DNAJC6: variants seen among roughly 807,000 people sequenced by gnomAD.
DNAJC6 encodes DnaJ heat shock protein family (Hsp40) member C6.
A neutral mutation model predicts 110.0 loss-of-function variants in DNAJC6; 34 were observed. That is an observed-to-expected ratio of 0.31 (90% confidence interval 0.24 to 0.41). The LOEUF is 0.41. Among genes scored for constraint, DNAJC6 ranks in the 10% least tolerant of loss-of-function variants. The pLI is 1.00. For missense variants in DNAJC6, 1,031 were observed against 1,207.8 expected (o/e 0.85, Z 2.17); for synonymous variants, 406 against 437.2 (o/e 0.93, Z 0.89).
intron 1 of DNAJC6, among the ~76,000 whole-genome samples, chr1:65,321,289 T>G (rs1014702722): frequency 6.6e-6 from 1 of 152,150 alleles, no homozygotes; most frequent in East Asian, 1.9e-4. Flanking sequence ...CTGCCTCGAA[T>G]TCCTGGGCTC....
At chr1:65,353,226 A>T (rs1032751988) in intron 1 of DNAJC6, among the ~76,000 whole-genome samples, 1 of 152,214 alleles carries the variant, frequency 6.6e-6, no homozygotes, top group African/African-American at 2.4e-5. Context: ...TTGAGGTTCC[A>T]TGTGGTGCCC....
chr1:65,389,784 G>A (rs1645908392), intron 11 of DNAJC6, among the ~76,000 whole-genome samples, 157 bp downstream of exon 11: 1 of 152,156 alleles, frequency 6.6e-6, no homozygotes, highest in Non-Finnish European at 1.5e-5. Context: ...ACTTTGGAAG[G>A]CCAGGATAGG....
chr1:65,386,345 G>C (rs1432526138), intron 7 of DNAJC6, among the ~76,000 whole-genome samples: 2 of 152,342 alleles, frequency 1.3e-5, no homozygotes, highest in Admixed American at 1.3e-4. Flanking sequence ...GATGTGGAGA[G>C]AAGGGAGTGG....
rs185861869 is a variant in DNAJC6 at position 65,291,252 on chromosome 1, C to T, written c.-131+26320C>T. On this transcript the variant is annotated intron_variant, in intron 1 of 19. Coordinates refer to the DNAJC6 transcript ENST00000263441. The stretch of plus-strand genomic sequence containing the variant: ...TTCACTATGTTGACCAGGCTGGTCT[C>T]GAACTCCTGAACTCAAGTGATCCAC... Among the ~76,000 whole-genome samples, 158 of 152,208 alleles carry T rather than the reference C, an allele frequency of 1.0e-3. 1 individual carries two copies. The highest frequency in any genetic ancestry group is 2.9e-3 in the South Asian group (14 of 4,820).
intron 1 of DNAJC6, among the ~76,000 whole-genome samples, chr1:65,271,819 A>G (rs1456070507): frequency 6.6e-6 from 1 of 151,676 alleles, no homozygotes; most frequent in African/African-American, 2.4e-5. Context: ...CAGTGAGCCA[A>G]GATCACACCA....
At chr1:65,332,474 CT>C (rs1645297571) in intron 1 of DNAJC6, among the ~76,000 whole-genome samples, 1 of 152,126 alleles carries the variant, frequency 6.6e-6, no homozygotes, top group Non-Finnish European at 1.5e-5. Context: ...ATGTTTGAGT[CT>C]TACATATTTT....
At chr1:65,401,928 TA>T (rs1646033838) in intron 15 of DNAJC6, 48 bp downstream of exon 15, 2 of 1,606,346 alleles carry the variant, frequency 1.2e-6, no homozygotes, top group African/African-American at 2.7e-5. Context: ...TTTATAGCTA[TA>T]AAGCCTCAAA....
intron 1 of DNAJC6, among the ~76,000 whole-genome samples, chr1:65,318,880 A>G (rs1182730969): frequency 1.3e-5 from 2 of 152,178 alleles, no homozygotes; most frequent in East Asian, 3.9e-4. Flanking sequence ...GAAAAAAAGG[A>G]AAAGAAAACA....
At chr1:65,364,579 C>T (rs539720487) in intron 1 of DNAJC6, 56 bp from the exon 2 acceptor site, 97 of 1,555,572 alleles carry the variant, frequency 6.2e-5, no homozygotes, top group African/African-American at 3.6e-4. Flanking sequence ...ATTGGTTTTC[C>T]GTGGATTCTC....
exon 1 of DNAJC6, chr1:65,264,785 C>T (rs1653259208): frequency 2.6e-6 from 4 of 1,512,702 alleles, no homozygotes; most frequent in Non-Finnish European, 2.7e-6. Flanking sequence ...TTATCATAGC[C>T]CGAGTGCTCC....
chr1:65,365,295 A>G (rs543244511), intron 2 of DNAJC6, among the ~76,000 whole-genome samples: 1 of 152,330 alleles, frequency 6.6e-6, no homozygotes, highest in East Asian at 1.9e-4. Flanking sequence ...CCACTGTATG[A>G]AAATTCTTAT....
intron 1 of DNAJC6, among the ~76,000 whole-genome samples, chr1:65,290,674 G>A (rs757529281): frequency 2.0e-5 from 3 of 152,076 alleles, no homozygotes; most frequent in Non-Finnish European, 4.4e-5. Flanking sequence ...TGGTGCTGAA[G>A]GGCAGTTAGC....
chr1:65,283,649 C>T (rs1327316471), intron 1 of DNAJC6, among the ~76,000 whole-genome samples: 1 of 152,176 alleles, frequency 6.6e-6, no homozygotes, highest in African/African-American at 2.4e-5. Flanking sequence ...AGTAAGTCTT[C>T]ATTTCTTTGG....
At chr1:65,275,317 T>C (rs1238739596) in intron 1 of DNAJC6, among the ~76,000 whole-genome samples, 2 of 152,214 alleles carry the variant, frequency 1.3e-5, no homozygotes, top group Admixed American at 6.5e-5. Context: ...GTTGATTTTG[T>C]CTTTGCTTTT....
At chr1:65,270,938 C>CA (rs1209903154) in intron 1 of DNAJC6, among the ~76,000 whole-genome samples, 1 of 152,166 alleles carries the variant, frequency 6.6e-6, no homozygotes, top group Admixed American at 6.5e-5. Flanking sequence ...TTTGGCCTCC[C>CA]AAAGTGCTGG....
chr1:65,408,606 G>GAAAACTGT, intron 16 of DNAJC6, 35 bp from the exon 17 acceptor site: 1 of 1,594,700 alleles, frequency 6.3e-7, no homozygotes, highest in South Asian at 1.1e-5. Flanking sequence ...GTTTAAGAAT[G>GAAAACTGT]AAAACTGTAA....
At chr1:65,359,144 A>G (rs1645575357) in intron 1 of DNAJC6, among the ~76,000 whole-genome samples, 1 of 152,208 alleles carries the variant, frequency 6.6e-6, no homozygotes, top group East Asian at 1.9e-4. Context: ...TCTTTATATA[A>G]TTTCTAAATG....
chr1:65,392,669 T>C lies in DNAJC6; in HGVS notation c.1707T>C (p.Ser569=), dbSNP rs764367375. ...LEGSAMSNSF[S]PPAAPPTNSE... ...GGTCTGCAATGAGTAACAGCTTCTC[T>C]CCGCCAGCGGCTCCTCCCACCAATT... Residue 569 remains serine (S), a synonymous_variant, in exon 12 of 19, where the codon TCT becomes TCC. Transcript: ENST00000371069. 23 of 1,612,756 alleles carry C rather than the reference T, an allele frequency of 1.4e-5. No individual in the cohort carries two copies. In the South Asian group the frequency reaches 1.4e-4, roughly 10 times the overall value.
intron 13 of DNAJC6, among the ~76,000 whole-genome samples, chr1:65,397,309 C>T (rs1473268035): frequency 6.6e-6 from 1 of 151,928 alleles, no homozygotes; most frequent in African/African-American, 2.4e-5. Flanking sequence ...TTCTGCAAGG[C>T]GTCGCCAATC....
Sources: allele counts gnomAD v4.1 joint callset (sites outside exome capture counted in the v4.1 genomes callset), GRCh38; gene constraint gnomAD v4.1.1; transcripts MANE v1.5; gene names NCBI Gene and HGNC (gene_info 2026-07-23, HGNC 2026-07-21).